The following GLG1 variants were observed in gnomAD, a reference collection of about 807,000 sequenced individuals.
GLG1 encodes Golgi apparatus protein 1.
Under a neutral mutation model 160.5 loss-of-function variants are expected in GLG1, and 38 were observed. The ratio of observed to expected loss-of-function variants is 0.24; its 90% CI spans 0.18 to 0.31. The LOEUF (loss-of-function observed/expected upper bound fraction) is 0.31. GLG1 is among the 10% of genes least tolerant of loss of function. The pLI is 1.00. For synonymous variants in GLG1, 644 were observed against 543.4 expected (o/e 1.19, Z -2.57); for missense variants, 1,373 against 1,505.2 (o/e 0.91, Z 1.45).
At chr16:74,546,971 A>C (rs1156857929) in intron 1 of GLG1, among the ~76,000 whole-genome samples, 1 of 152,172 alleles carries the variant, frequency 6.6e-6, no homozygotes, top group Non-Finnish European at 1.5e-5. Context: ...GCAAAGGATC[A>C]CAACACTAGA....
At chr16:74,487,610 T>TAATGACTCCCACCATGGCAC (rs2015838933) in intron 8 of GLG1, among the ~76,000 whole-genome samples, 1 of 151,986 alleles carries the variant, frequency 6.6e-6, no homozygotes, top group African/African-American at 2.4e-5. Flanking sequence ...ATCGAATGAT[T>TAATGACTCCCACCATGGCAC]ACCAATGTTA....
At chr16:74,514,906 A>G (rs200782020) in intron 2 of GLG1, among the ~76,000 whole-genome samples, 1 of 152,142 alleles carries the variant, frequency 6.6e-6, no homozygotes, top group Non-Finnish European at 1.5e-5. Flanking sequence ...CTCATGTGCA[A>G]AGACACACAT....
At chr16:74,477,974 A>AG (rs2015448451) in intron 11 of GLG1, among the ~76,000 whole-genome samples, 1 of 142,782 alleles carries the variant, frequency 7.0e-6, no homozygotes, top group Non-Finnish European at 1.5e-5. Context: ...ACTCCGTCTC[A>AG]AAAAAATAAA....
At chr16:74,465,077 G>A (rs1369882297) in intron 19 of GLG1, among the ~76,000 whole-genome samples, 1 of 152,114 alleles carries the variant, frequency 6.6e-6, no homozygotes, top group Non-Finnish European at 1.5e-5. Flanking sequence ...GACCTCAGGT[G>A]ATCCTCCCGC....
chr16:74,590,391 G>A (rs2143858689), intron 1 of GLG1, among the ~76,000 whole-genome samples: 1 of 152,102 alleles, frequency 6.6e-6, no homozygotes, highest in East Asian at 1.9e-4. Flanking sequence ...GCCGAAGCAG[G>A]CGGATCACCT....
chr16:74,566,973 G>A (rs2018670643), intron 1 of GLG1, among the ~76,000 whole-genome samples: 1 of 152,144 alleles, frequency 6.6e-6, no homozygotes, highest in Admixed American at 6.5e-5. Flanking sequence ...AAAGAATATA[G>A]ATATCAGAGG....
At chr16:74,480,691 T>C (rs1275818881) in intron 10 of GLG1, among the ~76,000 whole-genome samples, 1 of 151,920 alleles carries the variant, frequency 6.6e-6, no homozygotes, top group Non-Finnish European at 1.5e-5. Flanking sequence ...TCCCAAGCAG[T>C]TGAGGCAACA....
intron 1 of GLG1, among the ~76,000 whole-genome samples, chr16:74,604,432 C>G (rs533030668): frequency 6.6e-6 from 1 of 152,312 alleles, no homozygotes; most frequent in Non-Finnish European, 1.5e-5. Context: ...ATTTCAATAT[C>G]TGCAGGAGGC....
chr16:74,599,162 T>C (rs1164987369), intron 1 of GLG1, among the ~76,000 whole-genome samples: 1 of 152,186 alleles, frequency 6.6e-6, no homozygotes, highest in Non-Finnish European at 1.5e-5. Context: ...TTCTCAATTA[T>C]CTGCTGTAAT....
chr16:74,560,133 C>T (rs989796279), intron 1 of GLG1, among the ~76,000 whole-genome samples: 2 of 152,088 alleles, frequency 1.3e-5, no homozygotes, highest in South Asian at 4.1e-4. Context: ...GTCTACGGTG[C>T]TGTTTTTGGA....
At chr16:74,484,344 G>GT (rs767168613) in intron 9 of GLG1, among the ~76,000 whole-genome samples, 37 of 151,282 alleles carry the variant, frequency 2.4e-4, no homozygotes, top group Admixed American at 4.6e-4. Flanking sequence ...TTTTGTTTTT[G>GT]TTTTTTTTGA....
Position 74,451,784 on chromosome 16 carries a change from C to A in GLG1, c.*1383G>T. 1 of 421,356 alleles carries A rather than the reference C, an allele frequency of 2.4e-6. No homozygotes were observed. The highest frequency in any genetic ancestry group is 4.4e-6 in the Non-Finnish European group (1 of 226,810). The allele number at this position is 421,356 out of a possible 1,614,324, so 26.1% of individuals were successfully genotyped here. A position where few individuals can be genotyped will look rare whatever the true frequency, so the allele number is the denominator to read the frequency against. ...CCATGATGCCCGGACCCCTCCCTCT[C>A]ACACCCAGACTTGTCATCTCCACAC... On this transcript the variant is annotated 3_prime_UTR_variant, in exon 26 of 26. Coordinates refer to ENST00000422840, the MANE Select transcript of GLG1 (RefSeq NM_001145667.2).
At chr16:74,492,575 T>G (rs1172165433) in intron 7 of GLG1, among the ~76,000 whole-genome samples, 1 of 151,638 alleles carries the variant, frequency 6.6e-6, no homozygotes, top group Admixed American at 6.6e-5. Context: ...TCCAAGCACT[T>G]TGAGAGGCCA....
intron 15 of GLG1, 25 bp downstream of exon 15, chr16:74,471,148 A>G: frequency 8.6e-7 from 1 of 1,160,854 alleles, no homozygotes; most frequent in Non-Finnish European, 1.3e-6. Context: ...CTATGATGGG[A>G]TATTGGCAGC....
In GLG1 at chr16:74,465,829, T is replaced by A. The variant is rs777020806; in HGVS notation, c.2530-16A>T. 6.2e-7 allele frequency: 1 copy of A among 1,612,412 alleles called. No individual in the cohort carries two copies. Among genetic ancestry groups the A allele is most frequent in the South Asian group, 1.1e-5 (1 of 91,048 alleles). ...ATTCGATAATCTATGGCAAAAGAGT[T>A]ATAGTCAAGTTGAGAGATGTCAGAG... On this transcript the variant is annotated splice_polypyrimidine_tract_variant and intron_variant, in intron 18 of 25. Coordinates refer to ENST00000422840, the MANE Select transcript of GLG1 (RefSeq NM_001145667.2).
chr16:74,469,269 T>C, intron 16 of GLG1: 2 of 586,568 alleles, frequency 3.4e-6, no homozygotes, highest in Non-Finnish European at 6.1e-6. Flanking sequence ...GCAGCATGAA[T>C]GCTGACTACA....
chr16:74,570,956 CTT>C (rs559534383), intron 1 of GLG1, among the ~76,000 whole-genome samples: 16 of 144,402 alleles, frequency 1.1e-4, no homozygotes, highest in Non-Finnish European at 1.1e-4. Context: ...TTTTTTTGGT[CTT>C]TTTTTTTTTT....
At chr16:74,494,009 T>C (rs1160283954) in intron 6 of GLG1, among the ~76,000 whole-genome samples, 2 of 151,966 alleles carry the variant, frequency 1.3e-5, no homozygotes, top group Non-Finnish European at 2.9e-5. Context: ...ACCCCGTCTC[T>C]ACTAAAAATA....
At chr16:74,515,085 A>G (rs908650853) in intron 2 of GLG1, among the ~76,000 whole-genome samples, 2 of 152,236 alleles carry the variant, frequency 1.3e-5, no homozygotes, top group Admixed American at 6.5e-5. Context: ...CAATTCAACA[A>G]GAAGAGCTAA....
Sources: gnomAD v4.1 joint callset for allele counts (sites outside exome capture counted in the v4.1 genomes callset) on GRCh38, gnomAD v4.1.1 for gene constraint, MANE v1.5 for transcripts, NCBI Gene and HGNC (gene_info 2026-07-23, HGNC 2026-07-21) for gene names.